PRKCD: variants seen among roughly 807,000 people sequenced by gnomAD.
The protein encoded by PRKCD is protein kinase C delta type.
PRKCD carries 20 observed loss-of-function variants against 82.2 expected under a neutral mutation model. The observed-to-expected ratio is 0.24, with a 90% confidence interval of 0.17 to 0.35. The LOEUF is 0.35. Ranked by LOEUF, PRKCD falls within the 10% of genes least tolerant of loss-of-function variation. PRKCD has a pLI of 1.00. For synonymous variants in PRKCD, 317 were observed against 337.0 expected (o/e 0.94, Z 0.65); for missense variants, 607 against 899.0 (o/e 0.68, Z 4.15).
intron 13 of PRKCD, 70 bp from the exon 14 acceptor site, chr3:53,186,534 C>A (rs1355528149): frequency 2.1e-6 from 3 of 1,462,746 alleles, no homozygotes; most frequent in African/African-American, 2.8e-5. Flanking sequence ...TGGGGCTTGG[C>A]CCCAGTGGCC....
chr3:53,175,903 T>A (rs1703197643), intron 2 of PRKCD, among the ~76,000 whole-genome samples: 1 of 151,946 alleles, frequency 6.6e-6, no homozygotes, highest in South Asian at 2.1e-4. Context: ...TGCTTACGGG[T>A]TTGGGATGCT....
Position 53,189,912 on chromosome 3 carries a change from G to A in PRKCD, c.1783G>A (p.Gly595Arg), listed in dbSNP as rs1553670445. The change falls in exon 18 of 19, where the codon GGA (glycine) becomes AGA (arginine). Residue 595 changes from glycine (G) to arginine (R), a missense_variant. Coordinates refer to ENST00000330452, the MANE Select transcript of PRKCD (RefSeq NM_006254.4). ...ACCAACCAAGAGGCTGGGAGTGACCGGAAACATCAAAATCCACCCCTTCTT... is the reference window on the plus strand; with the variant it reads ...ACCAACCAAGAGGCTGGGAGTGACCAGAAACATCAAAATCCACCCCTTCTT... ...REPTKRLGVT[G>R]NIKIHPFFKT... The A allele has an allele frequency of 1.2e-6, 2 of 1,614,174 alleles. No individual in the cohort carries two copies. Among genetic ancestry groups the A allele is most frequent in the Non-Finnish European group, 1.7e-6 (2 of 1,180,024 alleles).
intron 18 of PRKCD, 58 bp from the exon 19 acceptor site, chr3:53,192,050 G>T: frequency 6.4e-7 from 1 of 1,574,332 alleles, no homozygotes; most frequent in Admixed American, 1.7e-5. Context: ...TCCAGCCTGG[G>T]GTGTCTGGAG....
rs1443743620 is a variant in PRKCD at position 53,169,731 on chromosome 3, T to C, written c.-20+4516T>C. Among the ~76,000 whole-genome samples, 2 of 152,182 alleles carry C rather than the reference T, an allele frequency of 1.3e-5. No homozygotes were observed. Among genetic ancestry groups the C allele is most frequent in the Admixed American group, 1.3e-4 (2 of 15,282 alleles). ...GCAGTAGCTGGCCAGCCTCTGCCAG[T>C]GGACTCATGCTGCCTGCTTCAGCCC... On this transcript the variant is annotated intron_variant, in intron 2 of 18. Coordinates refer to ENST00000330452, the MANE Select transcript of PRKCD (RefSeq NM_006254.4). The surrounding 1 kb of genome is among the most constrained non-coding windows in gnomAD (Gnocchi z 4.7).
rs1163316772 is a variant in PRKCD, at chr3:53,192,673, C to T, written c.*407C>T. 1.3e-5 allele frequency: 2 copies of T among 149,192 alleles called. No individual in the cohort carries two copies. Among genetic ancestry groups the T allele is most frequent in the Non-Finnish European group, 3.0e-5 (2 of 67,600 alleles). 9.2% of individuals were successfully genotyped at this position (149,192 alleles called of 1,614,324 possible). A position where few individuals can be genotyped will look rare whatever the true frequency, so the allele number is the denominator to read the frequency against. The stretch of plus-strand genomic sequence containing the variant: ...AAAAAGGAGCACAAGCTGTTTGAAC[C>T]ACCAGGTTTATTTGTGTGTCTAAAT... On this transcript the variant is annotated 3_prime_UTR_variant, in exon 19 of 19. Coordinates refer to ENST00000330452, the MANE Select transcript of PRKCD (RefSeq NM_006254.4).
chr3:53,183,537 G>A lies in PRKCD; in HGVS notation c.743G>A (p.Gly248Asp), dbSNP rs1703547897. The change falls in exon 9 of 19, where the codon GGC becomes GAC. Residue 248 changes from glycine to aspartate, a missense_variant. Gly to Asp is a moderately conservative substitution (Grantham distance 94). Transcript: ENST00000330452. ...YMSPTFCDHC[G>D]SLLWGLVKQG... Reference sequence around the variant, plus strand: ...AGCCCCACCTTCTGTGACCACTGCGGCAGCCTGCTCTGGGGACTGGTGAAG... The same window carrying A: ...AGCCCCACCTTCTGTGACCACTGCGACAGCCTGCTCTGGGGACTGGTGAAG... 1.2e-6 allele frequency: 2 copies of A among 1,614,208 alleles called. No homozygotes were observed. The highest frequency in any genetic ancestry group is 8.5e-7 in the Non-Finnish European group (1 of 1,180,016).
chr3:53,165,629 G>A (rs1172090942), intron 2 of PRKCD, among the ~76,000 whole-genome samples: 1 of 152,184 alleles, frequency 6.6e-6, no homozygotes, highest in African/African-American at 2.4e-5. Context: ...GAAATTCCCC[G>A]TGGGCCCCAC....
intron 3 of PRKCD, 129 bp from the exon 4 acceptor site, chr3:53,179,448 A>G (rs1350324081): frequency 8.2e-7 from 1 of 1,215,522 alleles, no homozygotes; most frequent in East Asian, 2.3e-5. Flanking sequence ...TCTAGAGGAC[A>G]CTGGGGAACC....
chr3:53,182,537 G>A (rs1703485149), intron 7 of PRKCD, among the ~76,000 whole-genome samples: 1 of 152,146 alleles, frequency 6.6e-6, no homozygotes, highest in Admixed American at 6.5e-5. Flanking sequence ...CCAAAGTGCT[G>A]GGATTATAGG....
intron 17 of PRKCD, among the ~76,000 whole-genome samples, chr3:53,189,577 TCA>T (rs549555999): frequency 2.0e-5 from 3 of 152,242 alleles, no homozygotes; most frequent in African/African-American, 4.8e-5. Context: ...CAGACTTGAC[TCA>T]CAGAGTTGTT....
chr3:53,170,116 A>G (rs1207283514), intron 2 of PRKCD, among the ~76,000 whole-genome samples: 1 of 149,382 alleles, frequency 6.7e-6, no homozygotes, highest in African/African-American at 2.4e-5. Flanking sequence ...ATTGTTTCCA[A>G]TGGTAAACCA....
At chr3:53,179,531 G>C in intron 3 of PRKCD, 46 bp from the exon 4 acceptor site, 1 of 1,611,982 alleles carries the variant, frequency 6.2e-7, no homozygotes, top group Non-Finnish European at 8.5e-7. Context: ...ACGAGGGAGG[G>C]ACAGAGGGGC....
intron 1 of PRKCD, among the ~76,000 whole-genome samples, chr3:53,164,691 G>A (rs533222461): frequency 6.6e-6 from 1 of 152,154 alleles, no homozygotes; most frequent in African/African-American, 2.4e-5. Flanking sequence ...GGGAGAAGAG[G>A]CTAGTAGTTT....
intron 2 of PRKCD, 86 bp from the exon 3 acceptor site, chr3:53,178,318 C>T: frequency 2.6e-6 from 2 of 778,088 alleles, no homozygotes; most frequent in Non-Finnish European, 4.2e-6. Context: ...TAGCAGAGCC[C>T]TGGGGGAGCG....
intron 2 of PRKCD, among the ~76,000 whole-genome samples, chr3:53,176,554 C>G (rs1209630864): frequency 6.6e-6 from 1 of 152,264 alleles, no homozygotes; most frequent in East Asian, 1.9e-4. Context: ...GGAGTGAATA[C>G]ATGTGCATGT....
intron 3 of PRKCD, 155 bp from the exon 4 acceptor site, chr3:53,179,422 C>G: frequency 1.1e-6 from 1 of 945,370 alleles, no homozygotes; most frequent in East Asian, 2.4e-5. Flanking sequence ...GCAGGGTGCC[C>G]AAGGTAGTTC....
rs782588098 is a variant in PRKCD, at chr3:53,183,476, G to T, written c.682G>T (p.Asp228Tyr). Residue 228 changes from aspartate (D) to tyrosine (Y), a missense_variant, in exon 9 of 19, where the codon GAC (aspartate) becomes TAC (tyrosine). Physicochemically the swap from Asp to Tyr is radical, Grantham distance 160 (BLOSUM62 -3). Coordinates refer to ENST00000330452, the MANE Select transcript of PRKCD (RefSeq NM_006254.4). ...TIFQKERFNI[D>Y]MPHRFKVHNY... is the part of the protein sequence containing the mutation. Reference sequence around the variant, plus strand: ...GTTCCAGAAAGAACGCTTCAACATCGACATGCCGCACCGCTTCAAGGTTCA... The same window carrying T: ...GTTCCAGAAAGAACGCTTCAACATCTACATGCCGCACCGCTTCAAGGTTCA... 1 of 1,614,148 alleles carries T rather than the reference G, an allele frequency of 6.2e-7. No individual in the cohort carries two copies. The highest frequency in any genetic ancestry group is 1.1e-5 in the South Asian group (1 of 91,074).
chr3:53,186,466 A>G, intron 13 of PRKCD, 126 bp downstream of exon 13: 1 of 1,254,802 alleles, frequency 8.0e-7, no homozygotes, highest in Non-Finnish European at 1.1e-6. Context: ...TTCCCCCCTC[A>G]TGCCTCCCAG....
chr3:53,178,932 T>C (rs1703320645), intron 3 of PRKCD, among the ~76,000 whole-genome samples: 1 of 152,178 alleles, frequency 6.6e-6, no homozygotes, highest in African/African-American at 2.4e-5. Flanking sequence ...AGTCCTGCAA[T>C]AGGGAAGCCC....
Sources: allele counts gnomAD v4.1 joint callset (sites outside exome capture counted in the v4.1 genomes callset), GRCh38; gene constraint gnomAD v4.1.1; non-coding constraint Gnocchi (gnomAD v3.1); transcripts MANE v1.5; gene names NCBI Gene and HGNC (gene_info 2026-07-23, HGNC 2026-07-21).